TANGO6: variants seen among roughly 807,000 people sequenced by gnomAD.
TANGO6 encodes transport and golgi organization 6 homolog.
Under a neutral mutation model 114.2 loss-of-function variants are expected in TANGO6, and 90 were observed. That is an observed-to-expected ratio of 0.79 (90% CI 0.66 to 0.94). The LOEUF is 0.94. Among genes scored for constraint, TANGO6 ranks in the 40% least tolerant of loss-of-function variants. The probability of loss-of-function intolerance (pLI) is 0.00; values close to 1 mark genes in which losing one functional copy is unlikely to be tolerated. For synonymous variants in TANGO6, 477 were observed against 509.8 expected (o/e 0.94, Z 0.87); for missense variants, 1,274 against 1,315.3 (o/e 0.97, Z 0.49).
chr16:68,924,573 A>C (rs919985465), intron 12 of TANGO6, among the ~76,000 whole-genome samples: 1 of 152,000 alleles, frequency 6.6e-6, no homozygotes, highest in Non-Finnish European at 1.5e-5. Flanking sequence ...AGATCACCTG[A>C]GGTCAGGAGT....
chr16:69,061,741 G>GGC (rs1440769905), intron 17 of TANGO6, among the ~76,000 whole-genome samples: 1 of 150,846 alleles, frequency 6.6e-6, no homozygotes, highest in African/African-American at 2.4e-5. Flanking sequence ...TTTCCGGCCG[G>GGC]GCGCGCGGTG....
chr16:69,056,967 A>G (rs1007699134), intron 17 of TANGO6, among the ~76,000 whole-genome samples: 2 of 139,874 alleles, frequency 1.4e-5, no homozygotes, highest in Non-Finnish European at 3.1e-5. Context: ...GGCATGAGCC[A>G]CCAAGCCCAG....
chr16:69,024,885 G>A (rs1959473453), intron 16 of TANGO6, among the ~76,000 whole-genome samples: 1 of 149,256 alleles, frequency 6.7e-6, no homozygotes, highest in Admixed American at 6.6e-5. Flanking sequence ...TCGGCACACT[G>A]CAACCTCCAC....
At chr16:68,925,972 ACT>A (rs1223182380) in intron 12 of TANGO6, among the ~76,000 whole-genome samples, 1 of 145,280 alleles carries the variant, frequency 6.9e-6, no homozygotes, top group African/African-American at 2.5e-5. Context: ...AGTTCAGTTG[ACT>A]CTATTTATCT....
intron 16 of TANGO6, among the ~76,000 whole-genome samples, chr16:69,028,074 C>T (rs1959534546): frequency 6.6e-6 from 1 of 152,058 alleles, no homozygotes; most frequent in South Asian, 2.1e-4. Context: ...ATTCTCCTGC[C>T]TCAGCCTCCC....
intron 15 of TANGO6, among the ~76,000 whole-genome samples, chr16:68,987,222 T>C (rs954378137): frequency 1.8e-4 from 27 of 152,194 alleles, no homozygotes; most frequent in Non-Finnish European, 1.0e-4. Flanking sequence ...AATAAAAATA[T>C]ATTTTTATAT....
intron 7 of TANGO6, among the ~76,000 whole-genome samples, chr16:68,890,422 T>C (rs1962596177): frequency 6.6e-6 from 1 of 152,360 alleles, no homozygotes; most frequent in East Asian, 1.9e-4. Flanking sequence ...AAATGTCTTA[T>C]CCATGTTCAC....
At chr16:68,874,783 A>G (rs1230725721) in intron 4 of TANGO6, among the ~76,000 whole-genome samples, 1 of 152,054 alleles carries the variant, frequency 6.6e-6, no homozygotes, top group Non-Finnish European at 1.5e-5. Flanking sequence ...CCCTGTCTCT[A>G]CTAAAAATAG....
At chr16:68,897,090 G>A (rs942961710) in intron 7 of TANGO6, among the ~76,000 whole-genome samples, 5 of 151,858 alleles carry the variant, frequency 3.3e-5, no homozygotes, top group Admixed American at 6.6e-5. Context: ...TTTTAGTAGA[G>A]ACGGGTTTCA....
At chr16:68,986,994 A>G (rs772080257) in intron 15 of TANGO6, among the ~76,000 whole-genome samples, 13 of 152,160 alleles carry the variant, frequency 8.5e-5, no homozygotes, top group Non-Finnish European at 1.6e-4. Flanking sequence ...AAAACTGAAT[A>G]ATTGGATTTA....
intron 12 of TANGO6, among the ~76,000 whole-genome samples, chr16:68,921,889 AC>A (rs1266292747): frequency 6.6e-6 from 1 of 150,894 alleles, no homozygotes; most frequent in Non-Finnish European, 1.5e-5. Context: ...TAAGCACGTC[AC>A]CCCCTATACC....
intron 17 of TANGO6, among the ~76,000 whole-genome samples, chr16:69,067,457 G>T (rs1185125478): frequency 2.8e-5 from 4 of 145,076 alleles, no homozygotes; most frequent in Non-Finnish European, 5.9e-5. Context: ...GGTGAAGGTT[G>T]CAGTGAGCCA....
At chr16:68,876,265 G>T (rs926947834) in intron 5 of TANGO6, among the ~76,000 whole-genome samples, 1 of 151,836 alleles carries the variant, frequency 6.6e-6, no homozygotes, top group Non-Finnish European at 1.5e-5. Flanking sequence ...GGGTTCAAGC[G>T]ATTCTCCTGC....
chr16:68,953,050 T>TTATCATTA (rs1555525238), intron 14 of TANGO6, among the ~76,000 whole-genome samples: 1 of 139,214 alleles, frequency 7.2e-6, no homozygotes, highest in Non-Finnish European at 1.5e-5. Flanking sequence ...ACAGGTATTT[T>TTATCATTA]TTATTATTAT....
At chr16:68,989,351 A>G (rs1386281537) in intron 15 of TANGO6, among the ~76,000 whole-genome samples, 2 of 150,684 alleles carry the variant, frequency 1.3e-5, no homozygotes, top group Admixed American at 1.3e-4. Context: ...GTTTCAACTG[A>G]TCTATCTTTA....
rs1307796690 is a variant in TANGO6, at chr16:68,843,601, G to C, written c.-17G>C. 6.2e-7 allele frequency: 1 copy of C among 1,611,050 alleles called. No homozygotes were observed. The highest frequency in any genetic ancestry group is 8.5e-7 in the Non-Finnish European group (1 of 1,178,326). The stretch of plus-strand genomic sequence containing the variant: ...AGGCGCCTGAGCGGGTCGCGAGCGT[G>C]GTGTTACACTCCAGTCATGGCGGCC... On this transcript the variant is annotated 5_prime_UTR_variant, in exon 1 of 18. Coordinates refer to ENST00000261778, the MANE Select transcript of TANGO6 (RefSeq NM_024562.2).
chr16:68,932,410 G>A (rs1465701132), intron 14 of TANGO6, among the ~76,000 whole-genome samples: 1 of 152,172 alleles, frequency 6.6e-6, no homozygotes, highest in Non-Finnish European at 1.5e-5. Context: ...TTTAATTAAA[G>A]GGGAGAGGGC....
At chr16:68,953,977 T>A (rs1313603451) in intron 14 of TANGO6, among the ~76,000 whole-genome samples, 3 of 152,044 alleles carry the variant, frequency 2.0e-5, no homozygotes, top group Admixed American at 2.0e-4. Context: ...CAGTGGCTCA[T>A]GCCTGTAATC....
chr16:69,063,451 G>C (rs756093115), intron 17 of TANGO6, among the ~76,000 whole-genome samples: 1 of 151,628 alleles, frequency 6.6e-6, no homozygotes, highest in African/African-American at 2.4e-5. Context: ...CGTGAACCCC[G>C]GGGGCGGAGA....
Sources: gnomAD v4.1 joint callset for allele counts (sites outside exome capture counted in the v4.1 genomes callset) on GRCh38, gnomAD v4.1.1 for gene constraint, MANE v1.5 for transcripts, NCBI Gene and HGNC (gene_info 2026-07-23, HGNC 2026-07-21) for gene names.